LRGUK: variants seen among roughly 807,000 people sequenced by gnomAD.
LRGUK encodes the protein leucine rich repeats and guanylate kinase domain containing.
Under a neutral mutation model 76.0 loss-of-function variants are expected in LRGUK, and 65 were observed. The observed-to-expected ratio is 0.85, with a 90% CI of 0.70 to 1.05. The LOEUF (loss-of-function observed/expected upper bound fraction) is 1.05. Among genes scored for constraint, LRGUK ranks in the 50% least tolerant of loss-of-function variants. The pLI, the probability that LRGUK is intolerant of heterozygous loss-of-function variation, is 0.00. For missense variants in LRGUK, 758 were observed against 732.8 expected, an observed-to-expected ratio of 1.03 and a Z score of -0.40; for synonymous variants, 268 against 265.6, an observed-to-expected ratio of 1.01 and a Z score of -0.09.
chr7:134,178,688 T>G, intron 10 of LRGUK, 79 bp downstream of exon 10: 8 of 1,061,604 alleles, frequency 7.5e-6, no homozygotes, highest in Non-Finnish European at 1.1e-5. Context: ...TAACCCCTAT[T>G]TTGTGACCCC....
At chr7:134,181,785 G>A (rs1291918394) in intron 10 of LRGUK, among the ~76,000 whole-genome samples, 1 of 152,068 alleles carries the variant, frequency 6.6e-6, no homozygotes, top group East Asian at 1.9e-4. Flanking sequence ...ATCTTGCATA[G>A]CTATAGCAGA....
intron 16 of LRGUK, among the ~76,000 whole-genome samples, chr7:134,244,253 T>G (rs1475626021): frequency 5.3e-5 from 8 of 152,036 alleles, no homozygotes; most frequent in East Asian, 3.9e-4. Flanking sequence ...ACTACCATCA[T>G]AGTGAACAGG....
intron 1 of LRGUK, 150 bp downstream of exon 1, chr7:134,127,814 T>C: frequency 3.7e-6 from 3 of 815,048 alleles, no homozygotes; most frequent in Non-Finnish European, 5.7e-6. Flanking sequence ...CCCCCTCTTT[T>C]CTTCCCCTGT....
At chr7:134,221,679 G>A in intron 15 of LRGUK, 100 bp from the exon 16 acceptor site, 1 of 864,830 alleles carries the variant, frequency 1.2e-6, no homozygotes, top group South Asian at 2.9e-5. Flanking sequence ...TAAGTATCCA[G>A]CTTGTTATGT....
chr7:134,127,393 T>A (rs961788743), exon 1 of LRGUK: 1 of 1,610,918 alleles, frequency 6.2e-7, no homozygotes, highest in Non-Finnish European at 8.5e-7. Flanking sequence ...AGGGCTCTCC[T>A]GAGGACCAGA....
intron 16 of LRGUK, among the ~76,000 whole-genome samples, chr7:134,229,042 A>G (rs1801827149): frequency 6.6e-6 from 1 of 152,188 alleles, no homozygotes; most frequent in Admixed American, 6.5e-5. Flanking sequence ...ATAAATTTCT[A>G]TGTAATAGCA....
chr7:134,187,224 G>C (rs1800013827), intron 11 of LRGUK, among the ~76,000 whole-genome samples: 1 of 151,032 alleles, frequency 6.6e-6, no homozygotes, highest in Non-Finnish European at 1.5e-5. Flanking sequence ...TCAAGGACAA[G>C]TCATTGCTCT....
At chr7:134,275,178 A>T in the LRGUK span, among the ~76,000 whole-genome samples, 4 of 152,086 alleles carry the variant, frequency 2.6e-5, no homozygotes, top group Non-Finnish European at 5.9e-5. Flanking sequence ...TTAATTAGAA[A>T]TTACAGACTC....
intron 15 of LRGUK, among the ~76,000 whole-genome samples, chr7:134,206,027 G>C (rs1800988590): frequency 6.6e-6 from 1 of 152,210 alleles, no homozygotes. Context: ...TCTTAACAAT[G>C]AGAGTGGAAC....
intron 12 of LRGUK, among the ~76,000 whole-genome samples, chr7:134,195,108 G>T (rs1800425208): frequency 6.6e-6 from 1 of 152,012 alleles, no homozygotes; most frequent in Non-Finnish European, 1.5e-5. Flanking sequence ...TCCTGGGTAG[G>T]GGCCACAAGA....
chr7:134,224,260 A>C (rs190314546), intron 16 of LRGUK, among the ~76,000 whole-genome samples: 1 of 152,208 alleles, frequency 6.6e-6, no homozygotes, highest in South Asian at 2.1e-4. Context: ...GCACCCTGAC[A>C]ATCAGAGGCA....
downstream of LRGUK, among the ~76,000 whole-genome samples, chr7:134,265,145 G>A (rs1003570510): frequency 4.6e-5 from 7 of 151,912 alleles, no homozygotes; most frequent in African/African-American, 1.7e-4. Flanking sequence ...GGAGGAAGAG[G>A]ATATGTCTCT....
Position 134,263,403 on chromosome 7 carries a change from C to CTGTG in LRGUK, c.2348-430_2348-427dup, listed in dbSNP as rs6150361. Among the ~76,000 whole-genome samples, 671 of 142,262 alleles carry CTGTG rather than the reference C, an allele frequency of 4.7e-3. 7 individuals are homozygous for CTGTG. The highest frequency in any genetic ancestry group is 0.018 in the African/African-American group (637 of 35,144). The allele number at this position is 142,262 out of a possible 152,430, so 93.3% of individuals were successfully genotyped here. A position where few individuals can be genotyped will look rare whatever the true frequency, so the allele number is the denominator to read the frequency against. ...CTTCTATAGGAAGAACTTCACTTCA[C>CTGTG]TGTGTGTGTGTGTGTCTGTGTGCAT... On this transcript the variant is annotated intron_variant, in intron 19 of 19. Coordinates refer to the LRGUK transcript ENST00000285928.
intron 4 of LRGUK, among the ~76,000 whole-genome samples, chr7:134,143,577 C>A (rs975065947): frequency 6.6e-6 from 1 of 152,092 alleles, no homozygotes; most frequent in South Asian, 2.1e-4. Context: ...GGACATATAG[C>A]GGAATAACTT....
chr7:134,247,438 C>T (rs1802332044), intron 16 of LRGUK, 118 bp from the exon 17 acceptor site: 3 of 611,414 alleles, frequency 4.9e-6, no homozygotes, highest in Non-Finnish European at 5.5e-6. Context: ...ATGCCTTTTC[C>T]CCCTTTTTCT....
intron 5 of LRGUK, among the ~76,000 whole-genome samples, chr7:134,150,417 G>T (rs934366287): frequency 1.3e-5 from 2 of 150,148 alleles, no homozygotes; most frequent in Non-Finnish European, 2.9e-5. Flanking sequence ...AGCCGAGATT[G>T]CACCACTGCA....
At chr7:134,170,994 T>C (rs1799215885) in intron 7 of LRGUK, among the ~76,000 whole-genome samples, 2 of 152,212 alleles carry the variant, frequency 1.3e-5, no homozygotes, top group African/African-American at 4.8e-5. Context: ...ATCTTTTAAG[T>C]ATACACCATT....
At chr7:134,160,821 C>A (rs1358145036) in intron 6 of LRGUK, among the ~76,000 whole-genome samples, 1 of 152,110 alleles carries the variant, frequency 6.6e-6, no homozygotes, top group African/African-American at 2.4e-5. Context: ...TTCTAAAAGT[C>A]TTTTCCCAAC....
chr7:134,178,362 C>A, intron 9 of LRGUK, 141 bp from the exon 10 acceptor site: 1 of 503,632 alleles, frequency 2.0e-6, no homozygotes, highest in Non-Finnish European at 3.5e-6. Context: ...AGACTGAATA[C>A]TAATGTTAAT....
Sources: allele counts gnomAD v4.1 joint callset (sites outside exome capture counted in the v4.1 genomes callset), GRCh38; gene constraint gnomAD v4.1.1; transcripts MANE v1.5; gene names NCBI Gene and HGNC (gene_info 2026-07-23, HGNC 2026-07-21).